TBX1: variants seen among roughly 807,000 people sequenced by gnomAD.
The protein encoded by TBX1 is T-box transcription factor TBX1.
Under a neutral mutation model 40.8 loss-of-function variants are expected in TBX1, and 16 were observed. The ratio of observed to expected loss-of-function variants is 0.39; its 90% CI spans 0.27 to 0.60. TBX1 has a LOEUF of 0.60. Among genes scored for constraint, TBX1 ranks in the 20% least tolerant of loss-of-function variants. TBX1 has a pLI of 0.51. For synonymous variants in TBX1, 403 were observed against 336.8 expected, an observed-to-expected ratio of 1.20 and a Z score of -2.15; for missense variants, 755 against 728.5, an observed-to-expected ratio of 1.04 and a Z score of -0.42.
chr22:19,771,575 C>T (rs906929307), downstream of TBX1, among the ~76,000 whole-genome samples: 2 of 152,204 alleles, frequency 1.3e-5, no homozygotes, highest in African/African-American at 4.8e-5. Flanking sequence ...TATCTATCAG[C>T]TTTCAATTGC....
upstream of TBX1, among the ~76,000 whole-genome samples, chr22:19,760,503 G>T (rs912294835): frequency 6.8e-6 from 1 of 146,766 alleles, no homozygotes; most frequent in African/African-American, 2.5e-5. Flanking sequence ...GCACGCGGGC[G>T]GGCGGCAGAG....
chr22:19,778,392 C>A (rs1937098610), intron 8 of TBX1, among the ~76,000 whole-genome samples: 1 of 151,940 alleles, frequency 6.6e-6, no homozygotes, highest in South Asian at 2.1e-4. Context: ...TGAGCCACTG[C>A]ACCTGGCCAT....
chr22:19,769,031 G>C (rs1301630818), downstream of TBX1, among the ~76,000 whole-genome samples: 1 of 148,622 alleles, frequency 6.7e-6, no homozygotes, highest in Non-Finnish European at 1.5e-5. Flanking sequence ...TGCGATCTCG[G>C]CTCACTGCAA....
upstream of TBX1, chr22:19,759,610 G>A (rs756267776): frequency 2.5e-6 from 4 of 1,610,572 alleles, no homozygotes; most frequent in South Asian, 4.4e-5. Context: ...CCGACCGGGT[G>A]AAGCTTCGCT....
At position 19,766,611 on chromosome 22, in the gene TBX1, T is replaced by A; in HGVS notation, c.1259T>A (p.Leu420Gln). The stretch of plus-strand genomic sequence containing the variant: ...GAGGCGCCCGGCGCATCGGAGCCGC[T>A]GCACCACCACCCCTACAAATATCCG... ...RLEAPGASEPLHHHPYKYPAA... is the reference protein window; with the variant it reads ...RLEAPGASEPQHHHPYKYPAA... The change falls in exon 7 of 7, where the codon CTG (leucine) becomes CAG (glutamine). Residue 420 changes from leucine (L) to glutamine (Q), a missense_variant. Coordinates refer to ENST00000649276, the MANE Select transcript of TBX1 (RefSeq NM_001379200.1). The A allele has an allele frequency of 6.6e-7, 1 of 1,523,548 alleles. No individual in the cohort carries two copies. The highest frequency in any genetic ancestry group is 8.7e-7 in the Non-Finnish European group (1 of 1,143,312). The allele number at this position is 1,523,548 out of a possible 1,614,324, so 94.4% of individuals were successfully genotyped here.
intron 3 of TBX1, among the ~76,000 whole-genome samples, chr22:19,764,552 G>A (rs1362054878): frequency 3.9e-5 from 6 of 152,224 alleles, no homozygotes; most frequent in African/African-American, 1.4e-4. Flanking sequence ...GTCAGGGGTC[G>A]CACAGCCTAG....
At chr22:19,758,542 G>A (rs1936537408), upstream of TBX1, among the ~76,000 whole-genome samples, 1 of 152,180 alleles carries the variant, frequency 6.6e-6, no homozygotes, top group Non-Finnish European at 1.5e-5. Context: ...AGCCTGGTCG[G>A]GCCATAGAGC....
At chr22:19,781,852 G>A (rs1290238848), downstream of TBX1, among the ~76,000 whole-genome samples, 2 of 152,224 alleles carry the variant, frequency 1.3e-5, no homozygotes, top group Admixed American at 6.5e-5. Context: ...GCCAGGTGCA[G>A]TGGCATGTAC....
downstream of TBX1, among the ~76,000 whole-genome samples, chr22:19,782,350 T>C (rs1937150441): frequency 6.6e-6 from 1 of 152,232 alleles, no homozygotes; most frequent in Admixed American, 6.5e-5. Flanking sequence ...TAGATTTCAG[T>C]GTACAAGTCT....
intron 8 of TBX1, among the ~76,000 whole-genome samples, chr22:19,773,627 C>T (rs1937023175): frequency 6.6e-6 from 1 of 152,192 alleles, no homozygotes; most frequent in Non-Finnish European, 1.5e-5. Flanking sequence ...AGGGCTGGCC[C>T]CCACCTGCCA....
In TBX1 at chr22:19,763,316, C is replaced by A. The variant is rs764371266; in HGVS notation, c.513C>A (p.Phe171Leu). 6 of 1,614,084 alleles carry A rather than the reference C, an allele frequency of 3.7e-6. No individual in the cohort carries two copies. In the African/African-American group the frequency reaches 5.3e-5, roughly 14 times the overall value. The change falls in exon 2 of 7, where the codon TTC becomes TTA. Residue 171 changes from phenylalanine (F) to leucine (L), a missense_variant. Phe to Leu is a conservative substitution (Grantham distance 22, BLOSUM62 0). Transcript: ENST00000649276. ...PMADYMLLMD[F>L]VPVDDKRYRY... ...CCGACTATATGCTGCTCATGGACTT[C>A]GTGCCGGTGGACGATAAGCGCTACC...
At position 19,760,859 on chromosome 22, in the gene TBX1, T is replaced by C. The variant is rs912338996; in HGVS notation, c.16T>C (p.Ser6Pro). 5.9e-6 allele frequency: 6 copies of C among 1,023,802 alleles called. No homozygotes were observed. Among genetic ancestry groups the C allele is most frequent in the Non-Finnish European group, 7.1e-6 (6 of 845,784 alleles). 63.4% of individuals were successfully genotyped at this position (1,023,802 alleles called of 1,614,324 possible). A position where few individuals can be genotyped will look rare whatever the true frequency, so the allele number is the denominator to read the frequency against. MISAV[S>P]SPWLTQLSHF... Reference sequence around the variant, plus strand: ...CCCGCGGGTCATGATCTCCGCCGTGTCCAGCCCGTGGCTCACGCAGCTCTC... The same window carrying C: ...CCCGCGGGTCATGATCTCCGCCGTGCCCAGCCCGTGGCTCACGCAGCTCTC... The change falls in exon 1 of 7, where the codon TCC (serine) becomes CCC (proline). Residue 6 changes from serine to proline, a missense_variant. By Grantham distance (74) the Ser-to-Pro change is moderately conservative. Around this residue, in one of 3 missense-constraint regions of TBX1, gnomAD observed 199 missense variants for 173.0 expected, o/e 1.15. Coordinates refer to ENST00000649276, the MANE Select transcript of TBX1 (RefSeq NM_001379200.1).
chr22:19,773,124 C>T (rs757239518), intron 8 of TBX1, among the ~76,000 whole-genome samples: 19 of 152,240 alleles, frequency 1.2e-4, no homozygotes, highest in Non-Finnish European at 2.4e-4. Flanking sequence ...AGGCAAAATA[C>T]GGAAACAGCC....
chr22:19,767,660 TCCTC>T (rs41299354), downstream of TBX1, among the ~76,000 whole-genome samples: 1,575 of 152,326 alleles, frequency 0.01, 20 homozygotes, highest in South Asian at 0.02. Flanking sequence ...TTACTTAAAT[TCCTC>T]CCACCTGCAG....
intron 8 of TBX1, among the ~76,000 whole-genome samples, chr22:19,774,473 TACC>T (rs917667241): frequency 3.9e-5 from 6 of 151,980 alleles, no homozygotes; most frequent in African/African-American, 1.5e-4. Flanking sequence ...TCTGGGAAAA[TACC>T]CAAGAGAATT....
At chr22:19,779,894 C>T (rs770444516), downstream of TBX1, among the ~76,000 whole-genome samples, 5 of 152,242 alleles carry the variant, frequency 3.3e-5, no homozygotes, top group Admixed American at 6.5e-5. Context: ...GGCTCCCAGG[C>T]GGAGGCACCA....
intron 8 of TBX1, among the ~76,000 whole-genome samples, chr22:19,778,162 A>G (rs1019209844): frequency 6.6e-6 from 1 of 150,992 alleles, no homozygotes; most frequent in Admixed American, 6.6e-5. Context: ...CATCGTGATC[A>G]AGGCTCACTG....
chr22:19,768,094 G>A (rs572812217), downstream of TBX1, among the ~76,000 whole-genome samples: 30 of 152,316 alleles, frequency 2.0e-4, no homozygotes, highest in South Asian at 6.0e-3. Context: ...CTTCCTGAGC[G>A]CAAGCAGGAA....
At chr22:19,762,905 C>T (rs769128328) in intron 1 of TBX1, among the ~76,000 whole-genome samples, 5 of 152,146 alleles carry the variant, frequency 3.3e-5, no homozygotes, top group African/African-American at 4.8e-5. Context: ...TGCTGCCGGC[C>T]GAAGCTGGGA....
Sources: allele counts gnomAD v4.1 joint callset (sites outside exome capture counted in the v4.1 genomes callset), GRCh38; gene constraint gnomAD v4.1.1; regional missense constraint gnomAD v4.1.1; transcripts MANE v1.5; gene names NCBI Gene and HGNC (gene_info 2026-07-23, HGNC 2026-07-21).